Variants in KCNJ16 observed in about 807,000 individuals in gnomAD.
KCNJ16 encodes the protein potassium inwardly rectifying channel subfamily J member 16.
In KCNJ16, 15 loss-of-function variants were observed where a neutral mutation model predicts 18.5. The observed-to-expected ratio is 0.81, with a 90% CI of 0.54 to 1.25. The LOEUF is 1.25. Ranked by LOEUF, KCNJ16 falls within the 50% of genes most tolerant of loss-of-function variation. The probability of loss-of-function intolerance (pLI) is 0.00; values close to 1 mark genes in which losing one functional copy is unlikely to be tolerated. For synonymous variants in KCNJ16, 174 were observed against 186.5 expected, an observed-to-expected ratio of 0.93 and a Z score of 0.55; for missense variants, 523 against 525.7, an observed-to-expected ratio of 0.99 and a Z score of 0.05.
intron 2 of KCNJ16, among the ~76,000 whole-genome samples, chr17:70,125,785 A>T (rs2073832827): frequency 6.6e-6 from 1 of 152,140 alleles, no homozygotes; most frequent in African/African-American, 2.4e-5. Context: ...AAAAGAAATT[A>T]GCTGGGCGTG....
At chr17:70,092,489 AAT>A (rs2072134444) in intron 1 of KCNJ16, among the ~76,000 whole-genome samples, 1 of 89,830 alleles carries the variant, frequency 1.1e-5, no homozygotes, top group East Asian at 3.8e-4. Flanking sequence ...AAACAGAACC[AAT>A]AGATAGATAG....
At chr17:70,090,066 C>T (rs2072015210) in intron 1 of KCNJ16, among the ~76,000 whole-genome samples, 1 of 152,206 alleles carries the variant, frequency 6.6e-6, no homozygotes, top group African/African-American at 2.4e-5. Flanking sequence ...AGCCTCCACC[C>T]CAGATTTAAT....
At chr17:70,080,871 T>C (rs542809626) in intron 1 of KCNJ16, among the ~76,000 whole-genome samples, 2 of 152,202 alleles carry the variant, frequency 1.3e-5, no homozygotes, top group East Asian at 1.9e-4. Flanking sequence ...GACCTCAAAA[T>C]TGTTCGCTAG....
chr17:70,097,048 G>A (rs528011446), intron 1 of KCNJ16: 110 of 387,738 alleles, frequency 2.8e-4, no homozygotes, highest in African/African-American at 2.2e-3. Flanking sequence ...TTGCAGACAC[G>A]ATATTGTGTA....
rs145879448 is a variant in KCNJ16 at position 70,132,258 on chromosome 17, T to A, written c.171T>A (p.Tyr57Ter). 16 of 1,614,144 alleles carry A rather than the reference T, an allele frequency of 9.9e-6. No homozygotes were observed. The African/African-American group carries it at 2.1e-4, about 22-fold the overall frequency. The change falls in exon 4 of 4, where the codon TAT (tyrosine) becomes TAA (stop). Residue 57 changes from tyrosine (Y) to a stop codon, truncating the protein, a stop_gained. Coordinates refer to ENST00000392671, the MANE Select transcript of KCNJ16 (RefSeq NM_170741.4). LOFTEE classifies it high-confidence loss of function. The part of the protein sequence containing the change: ...FKHIFGEWGS[Y>*]VVDIFTTLVD... ...ACATTTTTGGAGAATGGGGAAGCTA[T>A]GTGGTTGACATCTTCACCACTCTTG...
chr17:70,121,684 C>A (rs1341106425), intron 2 of KCNJ16, among the ~76,000 whole-genome samples: 1 of 152,060 alleles, frequency 6.6e-6, no homozygotes, highest in Non-Finnish European at 1.5e-5. Flanking sequence ...AATCCGAGCA[C>A]TTTGGGAGGC....
intron 2 of KCNJ16, among the ~76,000 whole-genome samples, chr17:70,114,832 A>C (rs2073339307): frequency 6.6e-6 from 1 of 152,140 alleles, no homozygotes; most frequent in South Asian, 2.1e-4. Flanking sequence ...AGATGATATT[A>C]ATCTACATAA....
At chr17:70,100,257 G>A (rs996246614) in intron 1 of KCNJ16, among the ~76,000 whole-genome samples, 6 of 152,180 alleles carry the variant, frequency 3.9e-5, no homozygotes, top group African/African-American at 7.2e-5. Flanking sequence ...TAATGCCTAC[G>A]TGGTATTACA....
At chr17:70,083,902 A>G (rs550727408) in intron 1 of KCNJ16, among the ~76,000 whole-genome samples, 1 of 152,324 alleles carries the variant, frequency 6.6e-6, no homozygotes, top group Non-Finnish European at 1.5e-5. Context: ...AGGATTAGCT[A>G]GAAGCCACCA....
At chr17:70,109,606 G>A (rs912734018) in intron 2 of KCNJ16, among the ~76,000 whole-genome samples, 6 of 151,950 alleles carry the variant, frequency 3.9e-5, no homozygotes, top group African/African-American at 1.5e-4. Flanking sequence ...GATTAAATAA[G>A]CCCTGCCCCT....
intron 2 of KCNJ16, among the ~76,000 whole-genome samples, chr17:70,128,386 G>T (rs1290920810): frequency 6.6e-6 from 1 of 152,180 alleles, no homozygotes; most frequent in Non-Finnish European, 1.5e-5. Context: ...GTGGTTATCA[G>T]GGTTGGGGTT....
chr17:70,100,633 T>C (rs2072581924), intron 1 of KCNJ16, 25 bp from the exon 2 acceptor site: 1 of 152,244 alleles, frequency 6.6e-6, no homozygotes, highest in Non-Finnish European at 1.5e-5. Context: ...AGAGCTAATA[T>C]ATTTCTATTA....
At chr17:70,131,379 A>C in intron 3 of KCNJ16, 1 of 1,036,714 alleles carries the variant, frequency 9.6e-7, no homozygotes, top group South Asian at 3.8e-5. Context: ...GGGGGAAATG[A>C]GTTTAATGTG....
chr17:70,128,998 C>T (rs1017724933), intron 2 of KCNJ16: 8 of 152,330 alleles, frequency 5.3e-5, no homozygotes, highest in African/African-American at 1.9e-4. Context: ...GGGTACGTGT[C>T]TTCCGGGCAG....
In KCNJ16 at chr17:70,100,820, T is replaced by C. The variant is rs374322826; in HGVS notation, c.-191+54T>C. ...TTCTCCGAAAAACCAATACTTGCAC[T>C]CCTTCCTCCATGAAAATGTGCTTTA... On this transcript the variant is annotated intron_variant, in intron 2 of 3. Coordinates refer to ENST00000392671, the MANE Select transcript of KCNJ16 (RefSeq NM_170741.4). The C allele has an allele frequency of 2.0e-3, 312 of 152,300 alleles. 1 individual carries two copies. The highest frequency in any genetic ancestry group is 7.3e-3 in the African/African-American group (302 of 41,564). The allele number at this position is 152,300 out of a possible 1,614,324, so 9.4% of individuals were successfully genotyped here. A position where few individuals can be genotyped will look rare whatever the true frequency, so the allele number is the denominator to read the frequency against.
chr17:70,088,401 TG>T (rs1213589079), intron 1 of KCNJ16, among the ~76,000 whole-genome samples: 3 of 152,210 alleles, frequency 2.0e-5, no homozygotes, highest in Non-Finnish European at 4.4e-5. Context: ...ATGGTAATGC[TG>T]GATGTCTGCT....
At chr17:70,093,158 G>A (rs376860592) in intron 1 of KCNJ16, among the ~76,000 whole-genome samples, 12 of 152,196 alleles carry the variant, frequency 7.9e-5, no homozygotes, top group African/African-American at 1.9e-4. Context: ...CCTTTTGGAC[G>A]CAAGTGTGGA....
At chr17:70,126,071 A>T (rs1451255956) in intron 2 of KCNJ16, among the ~76,000 whole-genome samples, 1 of 152,224 alleles carries the variant, frequency 6.6e-6, no homozygotes. Flanking sequence ...TAAGATAACA[A>T]AGCAAAAAAA....
chr17:70,088,293 C>T (rs563916864), intron 1 of KCNJ16, among the ~76,000 whole-genome samples: 18 of 152,248 alleles, frequency 1.2e-4, no homozygotes, highest in African/African-American at 4.1e-4. Context: ...TCATAAGGAG[C>T]GCACAACCTA....
Sources: allele counts gnomAD v4.1 joint callset (sites outside exome capture counted in the v4.1 genomes callset), GRCh38; gene constraint gnomAD v4.1.1; transcripts MANE v1.5; gene names NCBI Gene and HGNC (gene_info 2026-07-23, HGNC 2026-07-21).